Variants in PARD3B observed in about 807,000 individuals in gnomAD.
PARD3B encodes the protein partitioning defective 3 homolog B.
In PARD3B, 103 loss-of-function variants were observed where a neutral mutation model predicts 130.2. The observed-to-expected ratio is 0.79, with a 90% CI of 0.67 to 0.93. The LOEUF is 0.93. Among genes scored for constraint, PARD3B ranks in the 40% least tolerant of loss-of-function variants. The probability of loss-of-function intolerance (pLI) is 0.00; values close to 1 mark genes in which losing one functional copy is unlikely to be tolerated. For synonymous variants in PARD3B, 583 were observed against 553.2 expected (o/e 1.05, Z -0.76); for missense variants, 1,609 against 1,499.2 (o/e 1.07, Z -1.21).
rs115146252 is a variant in PARD3B, at chr2:205,263,438, G to C, written c.2185+17616G>C. ...CCCTTTATCATTTAAATAGCAAACA[G>C]AATGAACATTTTAAAGTAAAATTCT... On this transcript the variant is annotated intron_variant, in intron 16 of 22. Coordinates refer to ENST00000406610, the MANE Select transcript of PARD3B (RefSeq NM_001302769.2). The surrounding 1 kb of genome is among the most constrained non-coding windows in gnomAD (Gnocchi z 4.0). 7.3e-5 allele frequency among the ~76,000 whole-genome samples: 11 copies of C among 151,082 alleles called. No homozygotes were observed. Among genetic ancestry groups the C allele is most frequent in the African/African-American group, 2.7e-4 (11 of 41,220 alleles).
chr2:205,507,462 C>T (rs1200359395), intron 21 of PARD3B, among the ~76,000 whole-genome samples: 3 of 151,912 alleles, frequency 2.0e-5, no homozygotes, highest in African/African-American at 4.8e-5. Context: ...GATCTGCCTG[C>T]CTCGGCCTCC....
intron 21 of PARD3B, among the ~76,000 whole-genome samples, chr2:205,506,616 G>A (rs527339877): frequency 7.2e-5 from 11 of 152,236 alleles, no homozygotes; most frequent in African/African-American, 2.6e-4. Flanking sequence ...GATTTAAGAT[G>A]GAATGTGCAA....
At chr2:204,817,316 C>A (rs1011422817) in intron 2 of PARD3B, among the ~76,000 whole-genome samples, 2 of 151,516 alleles carry the variant, frequency 1.3e-5, no homozygotes, top group Non-Finnish European at 2.9e-5. Context: ...ATTTTTATTC[C>A]TATAAAGGTC....
chr2:204,749,146 C>G (rs1189130558), intron 2 of PARD3B, among the ~76,000 whole-genome samples: 1 of 151,998 alleles, frequency 6.6e-6, no homozygotes, highest in Non-Finnish European at 1.5e-5. Context: ...TGCAAAGATT[C>G]TAGCCTCTAT....
intron 22 of PARD3B, among the ~76,000 whole-genome samples, chr2:205,608,153 C>A (rs1427794218): frequency 6.6e-6 from 1 of 151,928 alleles, no homozygotes; most frequent in Non-Finnish European, 1.5e-5. Context: ...TATATTTTGC[C>A]CCTAGAGTGT....
chr2:205,307,130 C>G (rs1419896599), intron 18 of PARD3B, among the ~76,000 whole-genome samples: 1 of 152,116 alleles, frequency 6.6e-6, no homozygotes, highest in Non-Finnish European at 1.5e-5. Context: ...AATGTGAATG[C>G]CTTAGTGGTG....
At chr2:204,601,786 A>C (rs2033525012) in intron 1 of PARD3B, among the ~76,000 whole-genome samples, 2 of 152,024 alleles carry the variant, frequency 1.3e-5, no homozygotes, top group Admixed American at 1.3e-4. Flanking sequence ...TTCTGGAAGT[A>C]ATCTTGAGTA....
chr2:204,998,745 C>T (rs13027682), intron 3 of PARD3B, among the ~76,000 whole-genome samples: 46,165 of 151,566 alleles, frequency 0.3, 7,349 homozygotes, highest in Admixed American at 0.41. Context: ...ATTATAGTTT[C>T]GCAGTGTTGC....
chr2:205,071,986 CTT>C (rs35238662), intron 4 of PARD3B, among the ~76,000 whole-genome samples: 2 of 151,862 alleles, frequency 1.3e-5, no homozygotes, highest in East Asian at 1.9e-4. Context: ...TGTGAATTAG[CTT>C]TTTTTTAAAA....
intron 1 of PARD3B, among the ~76,000 whole-genome samples, chr2:204,612,045 T>A (rs2033948397): frequency 6.6e-6 from 1 of 152,218 alleles, no homozygotes; most frequent in Non-Finnish European, 1.5e-5. Flanking sequence ...CCTTCATTTC[T>A]ACACAGATGT....
intron 2 of PARD3B, among the ~76,000 whole-genome samples, chr2:204,761,714 A>G (rs1358985287): frequency 2.6e-5 from 4 of 152,140 alleles, no homozygotes; most frequent in Non-Finnish European, 5.9e-5. Flanking sequence ...TAGAAAGCTT[A>G]CGTCTTTGAA....
chr2:205,236,873 G>A (rs2039085014), intron 15 of PARD3B, among the ~76,000 whole-genome samples: 1 of 152,022 alleles, frequency 6.6e-6, no homozygotes, highest in African/African-American at 2.4e-5. Context: ...GTCATTTAAT[G>A]AAAGTTTTAT....
chr2:205,613,215 A>G (rs2055300307), intron 22 of PARD3B, among the ~76,000 whole-genome samples: 1 of 152,190 alleles, frequency 6.6e-6, no homozygotes, highest in Non-Finnish European at 1.5e-5. Flanking sequence ...TTGAAGGCAA[A>G]TAATGTTTGT....
rs1417238685 is a variant in PARD3B at position 205,258,988 on chromosome 2, T to A, written c.2185+13166T>A. On this transcript the variant is annotated intron_variant, in intron 16 of 22. Transcript: ENST00000406610. This position sits in a 1 kb window ranked among gnomAD's most constrained non-coding sequence, Gnocchi z 4.9. ...ACACTGCATTTTTGGCATGCATACC[T>A]AACAAAATCTAAAATTAGTCTGTAT... is the stretch of plus-strand genomic sequence containing the variant. Among the ~76,000 whole-genome samples the A allele has an allele frequency of 1.3e-5, 2 of 152,140 alleles. No individual in the cohort carries two copies. Among genetic ancestry groups the A allele is most frequent in the Non-Finnish European group, 2.9e-5 (2 of 68,006 alleles).
intron 2 of PARD3B, among the ~76,000 whole-genome samples, chr2:204,732,158 A>G (rs182985939): frequency 4.1e-4 from 63 of 152,026 alleles, no homozygotes; most frequent in Non-Finnish European, 7.5e-4. Context: ...GGAAAGCACT[A>G]TCTTATTAGA....
rs1411401670 is a variant in PARD3B, at chr2:205,461,284, G to T, written c.3044+20612G>T. On this transcript the variant is annotated intron_variant, in intron 20 of 22. Transcript: ENST00000406610. The surrounding 1 kb of genome is among the most constrained non-coding windows in gnomAD (Gnocchi z 4.3). ...CTCTGGGCAGAGGAGCAGCATGGGG[G>T]ATGCCCTGATGTGGAAAGGAACTTG... Among the ~76,000 whole-genome samples, 2 of 152,184 alleles carry T rather than the reference G, an allele frequency of 1.3e-5. No individual in the cohort carries two copies. The highest frequency in any genetic ancestry group is 2.9e-5 in the Non-Finnish European group (2 of 68,032).
At chr2:205,394,242 T>C (rs1439730669) in intron 18 of PARD3B, among the ~76,000 whole-genome samples, 1 of 152,178 alleles carries the variant, frequency 6.6e-6, no homozygotes, top group Non-Finnish European at 1.5e-5. Flanking sequence ...GGTTTTTCTA[T>C]AACCCTCTCT....
At chr2:205,344,807 A>G (rs1333014442) in intron 18 of PARD3B, among the ~76,000 whole-genome samples, 2 of 152,180 alleles carry the variant, frequency 1.3e-5, no homozygotes, top group African/African-American at 4.8e-5. Context: ...TTGCGTGGGT[A>G]TAGCGGGGGT....
chr2:205,027,155 A>G (rs1203515304), intron 3 of PARD3B, among the ~76,000 whole-genome samples: 3 of 152,110 alleles, frequency 2.0e-5, no homozygotes, highest in African/African-American at 2.4e-5. Context: ...CTCTATAATG[A>G]CTGCACCAAT....
Sources: gnomAD v4.1 joint callset for allele counts (sites outside exome capture counted in the v4.1 genomes callset) on GRCh38, gnomAD v4.1.1 for gene constraint, Gnocchi (gnomAD v3.1) non-coding constraint, MANE v1.5 for transcripts, NCBI Gene and HGNC (gene_info 2026-07-23, HGNC 2026-07-21) for gene names.